The following CDH13 variants were observed in gnomAD, a reference collection of about 807,000 sequenced individuals.
CDH13 encodes cadherin 13.
Under a neutral mutation model 63.8 loss-of-function variants are expected in CDH13, and 24 were observed. That is an observed-to-expected ratio of 0.38 (90% CI 0.27 to 0.53). The LOEUF (loss-of-function observed/expected upper bound fraction) is 0.53. Ranked by LOEUF, CDH13 falls within the 20% of genes least tolerant of loss-of-function variation. CDH13 has a pLI of 0.85. For missense variants in CDH13, 1,049 were observed against 903.1 expected, an observed-to-expected ratio of 1.16 and a Z score of -2.07; for synonymous variants, 503 against 355.3, an observed-to-expected ratio of 1.42 and a Z score of -4.67.
intron 3 of CDH13, among the ~76,000 whole-genome samples, chr16:83,068,285 C>T (rs1011396530): frequency 6.6e-5 from 10 of 152,144 alleles, no homozygotes; most frequent in African/African-American, 2.4e-4. Context: ...AAGGTTTTGC[C>T]ATATAACTTT....
At chr16:83,192,239 G>A (rs1215117225) in intron 4 of CDH13, among the ~76,000 whole-genome samples, 1 of 152,162 alleles carries the variant, frequency 6.6e-6, no homozygotes, top group Non-Finnish European at 1.5e-5. Flanking sequence ...GGCCGCTTCT[G>A]TAAACACTGT....
chr16:83,649,816 C>T (rs1334129384), intron 8 of CDH13, among the ~76,000 whole-genome samples: 1 of 152,176 alleles, frequency 6.6e-6, no homozygotes, highest in South Asian at 2.1e-4. Flanking sequence ...GCCCACTTTG[C>T]AGCTTTGCTG....
intron 3 of CDH13, among the ~76,000 whole-genome samples, chr16:83,105,760 G>A (rs1294703376): frequency 6.6e-6 from 1 of 152,230 alleles, no homozygotes; most frequent in Non-Finnish European, 1.5e-5. Flanking sequence ...AACCTGTACT[G>A]AAGAATGACG....
intron 5 of CDH13, among the ~76,000 whole-genome samples, chr16:83,222,094 G>A (rs2039717167): frequency 6.6e-6 from 1 of 152,130 alleles, no homozygotes; most frequent in South Asian, 2.1e-4. Context: ...AGATAACCTT[G>A]ATACGTCTAT....
chr16:82,691,455 T>C (rs979802381), intron 1 of CDH13, among the ~76,000 whole-genome samples: 7 of 152,190 alleles, frequency 4.6e-5, no homozygotes, highest in Non-Finnish European at 1.0e-4. Flanking sequence ...CCCTGCCCTT[T>C]GGTGGGACAA....
At chr16:82,883,161 G>A (rs1207948796) in intron 2 of CDH13, among the ~76,000 whole-genome samples, 1 of 152,194 alleles carries the variant, frequency 6.6e-6, no homozygotes, top group African/African-American at 2.4e-5. Flanking sequence ...AGAAATGAGA[G>A]GGCTTGAAGT....
intron 10 of CDH13, among the ~76,000 whole-genome samples, chr16:83,681,252 G>A (rs935913403): frequency 1.3e-5 from 2 of 152,170 alleles, no homozygotes; most frequent in African/African-American, 4.8e-5. Flanking sequence ...GAACCACAGA[G>A]AGCCCCTGGC....
chr16:83,602,832 A>C (rs755812605), intron 8 of CDH13, among the ~76,000 whole-genome samples: 3 of 152,240 alleles, frequency 2.0e-5, no homozygotes, highest in South Asian at 2.1e-4. Flanking sequence ...GTTAAAGTCC[A>C]TAAGAAAATA....
chr16:83,743,010 C>A (rs369127514), intron 10 of CDH13, among the ~76,000 whole-genome samples: 4 of 152,138 alleles, frequency 2.6e-5, no homozygotes, highest in Non-Finnish European at 5.9e-5. Context: ...GAGTTCGAGA[C>A]CAGCCTGGCC....
At chr16:83,309,611 G>C (rs180807523) in intron 5 of CDH13, among the ~76,000 whole-genome samples, 6 of 152,096 alleles carry the variant, frequency 3.9e-5, no homozygotes, top group Non-Finnish European at 7.4e-5. Flanking sequence ...TCCTGACCTC[G>C]TGATCCACCC....
intron 5 of CDH13, among the ~76,000 whole-genome samples, chr16:83,320,566 T>G (rs968127270): frequency 3.9e-5 from 6 of 152,234 alleles, no homozygotes; most frequent in Non-Finnish European, 8.8e-5. Context: ...TGAGAGTGTT[T>G]TCTTGCTCAC....
intron 3 of CDH13, among the ~76,000 whole-genome samples, chr16:83,050,820 C>G (rs2030240609): frequency 1.3e-5 from 2 of 151,980 alleles, no homozygotes; most frequent in African/African-American, 2.4e-5. Flanking sequence ...ACTTCCTTAC[C>G]TCATCTTCCT....
At chr16:82,708,728 G>A (rs142284601) in intron 1 of CDH13, among the ~76,000 whole-genome samples, 12 of 152,246 alleles carry the variant, frequency 7.9e-5, no homozygotes, top group East Asian at 7.7e-4. Context: ...AGCTGTCTGC[G>A]CTTATCCAAT....
chr16:82,752,787 CATG>C (rs767924810), intron 1 of CDH13, among the ~76,000 whole-genome samples: 72 of 152,242 alleles, frequency 4.7e-4, no homozygotes, highest in Admixed American at 1.2e-3. Flanking sequence ...TGCCTATTTT[CATG>C]ATATCAATAC....
intron 5 of CDH13, among the ~76,000 whole-genome samples, chr16:83,266,724 C>G (rs1907667553): frequency 6.6e-6 from 1 of 152,200 alleles, no homozygotes. Context: ...CACAGCACAA[C>G]AAACATCACA....
At chr16:83,617,061 C>A (rs1199561654) in intron 8 of CDH13, among the ~76,000 whole-genome samples, 1 of 152,170 alleles carries the variant, frequency 6.6e-6, no homozygotes, top group Non-Finnish European at 1.5e-5. Context: ...CATGTTAGCC[C>A]CCTTCCTAGC....
intron 3 of CDH13, among the ~76,000 whole-genome samples, chr16:83,114,103 T>C (rs896888006): frequency 6.6e-6 from 1 of 152,262 alleles, no homozygotes. Context: ...GTTTATTTTC[T>C]ACCCGAAGCA....
intron 2 of CDH13, among the ~76,000 whole-genome samples, chr16:83,004,598 A>G (rs148567752): frequency 1.2e-4 from 19 of 152,154 alleles, no homozygotes; most frequent in African/African-American, 4.1e-4. Context: ...CCCAGGTTCA[A>G]GCGATTCTCG....
intron 6 of CDH13, among the ~76,000 whole-genome samples, chr16:83,462,790 T>C (rs372441654): frequency 1.3e-5 from 2 of 152,118 alleles, no homozygotes; most frequent in African/African-American, 4.8e-5. Context: ...ACCTGGTATA[T>C]ATTGCTTTCT....
Sources: allele counts gnomAD v4.1 joint callset (sites outside exome capture counted in the v4.1 genomes callset), GRCh38; gene constraint gnomAD v4.1.1; transcripts MANE v1.5; gene names NCBI Gene and HGNC (gene_info 2026-07-23, HGNC 2026-07-21).